The following LRRC4C variants were observed in gnomAD, a reference collection of about 807,000 sequenced individuals.
LRRC4C encodes the protein leucine rich repeat containing 4C.
LRRC4C carries 5 observed loss-of-function variants against 33.6 expected under a neutral mutation model. That is an observed-to-expected ratio of 0.15 (90% CI 0.08 to 0.31). LRRC4C has a LOEUF of 0.31. Among genes scored for constraint, LRRC4C ranks in the 10% least tolerant of loss-of-function variants. The pLI is 1.00. For synonymous variants in LRRC4C, 329 were observed against 302.0 expected (o/e 1.09, Z -0.93); for missense variants, 560 against 796.7 (o/e 0.70, Z 3.58).
At chr11:41,411,596 AT>A (rs1954493582) in intron 1 of LRRC4C, among the ~76,000 whole-genome samples, 1 of 152,312 alleles carries the variant, frequency 6.6e-6, no homozygotes, top group South Asian at 2.1e-4. Context: ...CTGAAACCTC[AT>A]TTACATAAAA....
intron 1 of LRRC4C, among the ~76,000 whole-genome samples, chr11:41,259,219 ATTC>A (rs1489855650): frequency 6.6e-6 from 1 of 151,904 alleles, no homozygotes; most frequent in African/African-American, 2.4e-5. Flanking sequence ...TTGATCACAG[ATTC>A]TTCTTCTCTT....
At chr11:40,431,296 G>A (rs1252522499) in intron 3 of LRRC4C, among the ~76,000 whole-genome samples, 1 of 150,766 alleles carries the variant, frequency 6.6e-6, no homozygotes, top group Non-Finnish European at 1.5e-5. Flanking sequence ...GCGTGGTGGT[G>A]CGTGCCTGTA....
chr11:41,260,271 C>T (rs1948937455), intron 1 of LRRC4C, among the ~76,000 whole-genome samples: 1 of 151,950 alleles, frequency 6.6e-6, no homozygotes, highest in African/African-American at 2.4e-5. Context: ...CAAAAGTTTA[C>T]AAGAGTTACA....
intron 3 of LRRC4C, among the ~76,000 whole-genome samples, chr11:40,515,011 A>G (rs937314103): frequency 1.3e-5 from 2 of 152,146 alleles, no homozygotes; most frequent in African/African-American, 2.4e-5. Flanking sequence ...CCTGTGGAGT[A>G]CCTGTCAACC....
In LRRC4C at chr11:41,225,216, G is replaced by C. The variant is rs185796379; in HGVS notation, c.-496+234215C>G. ...CAAAAAATTAGAATGAATGAATATG[G>C]CCTAGTATTTGATAGCACAACAGGG... On this transcript the variant is annotated intron_variant, in intron 1 of 6. Transcript: ENST00000528697. 3.5e-3 allele frequency among the ~76,000 whole-genome samples: 531 copies of C among 152,118 alleles called. 3 individuals are homozygous for C. The highest frequency in any genetic ancestry group is 5.7e-3 in the Non-Finnish European group (390 of 67,966).
At chr11:41,080,433 C>T (rs984237902) in intron 1 of LRRC4C, among the ~76,000 whole-genome samples, 3 of 142,288 alleles carry the variant, frequency 2.1e-5, no homozygotes, top group Admixed American at 7.7e-5. Flanking sequence ...CTCACTGCAA[C>T]CTCTGCCTCC....
At chr11:41,101,752 G>A (rs755442490) in intron 1 of LRRC4C, among the ~76,000 whole-genome samples, 1 of 152,076 alleles carries the variant, frequency 6.6e-6, no homozygotes, top group South Asian at 2.1e-4. Flanking sequence ...CAACCTAAAT[G>A]TCCATTAGTG....
At chr11:40,309,745 G>A (rs1158993984) in intron 4 of LRRC4C, among the ~76,000 whole-genome samples, 2 of 152,056 alleles carry the variant, frequency 1.3e-5, no homozygotes, top group Admixed American at 6.6e-5. Flanking sequence ...GAGCTTAAGC[G>A]ATCCACCTTC....
At chr11:40,544,347 G>T (rs1956835875) in intron 3 of LRRC4C, among the ~76,000 whole-genome samples, 1 of 152,012 alleles carries the variant, frequency 6.6e-6, no homozygotes, top group Non-Finnish European at 1.5e-5. Context: ...CTCCAAGGTA[G>T]TTGCACTTCC....
intron 3 of LRRC4C, among the ~76,000 whole-genome samples, chr11:40,547,428 C>G (rs1238104158): frequency 6.6e-6 from 1 of 152,050 alleles, no homozygotes; most frequent in Non-Finnish European, 1.5e-5. Context: ...GGGTTACAAG[C>G]AGTGAGTTCG....
intron 4 of LRRC4C, among the ~76,000 whole-genome samples, chr11:40,265,071 G>A (rs1942150768): frequency 6.6e-6 from 1 of 152,150 alleles, no homozygotes; most frequent in African/African-American, 2.4e-5. Context: ...TTTGAATAAA[G>A]CCTTCCCTTC....
intron 2 of LRRC4C, among the ~76,000 whole-genome samples, chr11:40,848,236 T>C (rs1953293880): frequency 6.6e-6 from 1 of 152,168 alleles, no homozygotes; most frequent in Non-Finnish European, 1.5e-5. Context: ...TTAATTGTGA[T>C]GTTAGCGTGT....
At chr11:41,454,711 C>G (rs1209324294) in intron 1 of LRRC4C, among the ~76,000 whole-genome samples, 1 of 152,144 alleles carries the variant, frequency 6.6e-6, no homozygotes, top group South Asian at 2.1e-4. Flanking sequence ...TCTGATGAAG[C>G]CATGGTACAT....
intron 4 of LRRC4C, among the ~76,000 whole-genome samples, chr11:40,312,457 T>C (rs1159918228): frequency 1.3e-5 from 2 of 152,230 alleles, no homozygotes; most frequent in African/African-American, 4.8e-5. Flanking sequence ...GCCATGTGCA[T>C]GGGAATTTAT....
At chr11:41,007,907 G>T (rs893345191) in intron 1 of LRRC4C, among the ~76,000 whole-genome samples, 1 of 152,034 alleles carries the variant, frequency 6.6e-6, no homozygotes, top group Non-Finnish European at 1.5e-5. Flanking sequence ...ATGACTTTCT[G>T]GTTCCAATAA....
intron 3 of LRRC4C, among the ~76,000 whole-genome samples, chr11:40,391,710 A>G (rs750445611): frequency 6.6e-6 from 1 of 152,214 alleles, no homozygotes; most frequent in Non-Finnish European, 1.5e-5. Context: ...TCAAATGTTG[A>G]TAAGTATTGT....
chr11:41,107,885 C>T (rs144305043), intron 1 of LRRC4C, among the ~76,000 whole-genome samples: 154 of 151,384 alleles, frequency 1.0e-3, no homozygotes, highest in African/African-American at 3.4e-3. Context: ...TGCTGTGAGC[C>T]GAGATTGCAC....
chr11:41,224,518 G>T (rs2136410498), intron 1 of LRRC4C, among the ~76,000 whole-genome samples: 1 of 152,230 alleles, frequency 6.6e-6, no homozygotes, highest in East Asian at 1.9e-4. Context: ...TAATAAAGGT[G>T]ATATTTGAAT....
chr11:41,304,775 G>T (rs1407462402), intron 1 of LRRC4C, among the ~76,000 whole-genome samples: 1 of 81,270 alleles, frequency 1.2e-5, no homozygotes, highest in African/African-American at 4.8e-5. Flanking sequence ...AGGTGGGGGG[G>T]TCAGCCCCCC....
Sources: gnomAD v4.1 joint callset for allele counts (sites outside exome capture counted in the v4.1 genomes callset) on GRCh38, gnomAD v4.1.1 for gene constraint, MANE v1.5 for transcripts, NCBI Gene and HGNC (gene_info 2026-07-23, HGNC 2026-07-21) for gene names.